The following LYPD6B variants were observed in gnomAD, a reference collection of about 807,000 sequenced individuals.
LYPD6B encodes the protein LY6/PLAUR domain containing 6B.
A neutral mutation model predicts 22.8 loss-of-function variants in LYPD6B; 17 were observed. The observed-to-expected ratio is 0.75, with a 90% confidence interval of 0.51 to 1.12. LYPD6B has a LOEUF of 1.12. Ranked by LOEUF, LYPD6B falls within the 50% of genes most tolerant of loss-of-function variation. LYPD6B has a pLI of 0.00. For missense variants in LYPD6B, 221 were observed against 258.3 expected, an observed-to-expected ratio of 0.86 and a Z score of 0.99; for synonymous variants, 106 against 91.6, an observed-to-expected ratio of 1.16 and a Z score of -0.90.
chr2:149,144,728 T>C (rs1012277956), intron 2 of LYPD6B, among the ~76,000 whole-genome samples: 3 of 152,106 alleles, frequency 2.0e-5, no homozygotes, highest in Non-Finnish European at 4.4e-5. Flanking sequence ...GATCACAGCA[T>C]ACTCATGAGG....
intron 5 of LYPD6B, 44 bp downstream of exon 5, chr2:149,208,456 T>C (rs750812946): frequency 7.1e-7 from 1 of 1,416,430 alleles, no homozygotes; most frequent in Non-Finnish European, 1.0e-6. Context: ...CTCATTTCAT[T>C]TGAATCTCTC....
intron 1 of LYPD6B, among the ~76,000 whole-genome samples, chr2:149,105,139 T>G (rs1276341112): frequency 6.6e-6 from 1 of 152,210 alleles, no homozygotes; most frequent in Non-Finnish European, 1.5e-5. Context: ...CATTGCACAT[T>G]TGTCAAGAAT....
chr2:149,160,360 T>C (rs1317346064), intron 2 of LYPD6B: 9 of 450,566 alleles, frequency 2.0e-5, no homozygotes, highest in Non-Finnish European at 3.6e-5. Context: ...AGAGTCTTCA[T>C]TGTGGATGTG....
intron 3 of LYPD6B, among the ~76,000 whole-genome samples, chr2:149,180,639 C>T (rs1237693046): frequency 6.6e-6 from 1 of 152,234 alleles, no homozygotes; most frequent in Admixed American, 6.5e-5. Context: ...AGGCTCAGCC[C>T]TGGAACAGGC....
At chr2:149,123,796 G>A (rs754793129) in intron 1 of LYPD6B, among the ~76,000 whole-genome samples, 1 of 152,142 alleles carries the variant, frequency 6.6e-6, no homozygotes, top group Non-Finnish European at 1.5e-5. Context: ...GGAGGCAGAG[G>A]TTGCAGTGAG....
intron 1 of LYPD6B, among the ~76,000 whole-genome samples, chr2:149,098,295 C>T (rs1301441896): frequency 6.6e-6 from 1 of 152,090 alleles, no homozygotes; most frequent in Non-Finnish European, 1.5e-5. Flanking sequence ...GCTTTCTCCA[C>T]GTGAGTTATA....
intron 3 of LYPD6B, among the ~76,000 whole-genome samples, chr2:149,172,574 G>T (rs975987927): frequency 2.0e-5 from 3 of 152,012 alleles, no homozygotes; most frequent in African/African-American, 7.2e-5. Flanking sequence ...ATCAGAACTG[G>T]ATGTACTATT....
rs749014429 is a variant in LYPD6B, at chr2:149,160,866, G to A, written c.77+31G>A. ...AATGGCAGCTGTTACAACAGCCCTC[G>A]GCTTTTCATTTGGGAGCTCTGGTTA... On this transcript the variant is annotated intron_variant, in intron 3 of 6. Transcript: ENST00000409642. The A allele has an allele frequency of 2.4e-5, 36 of 1,493,586 alleles. No individual in the cohort carries two copies. The East Asian group carries it at 6.6e-4, about 28-fold the overall frequency. The allele number at this position is 1,493,586 out of a possible 1,614,324, so 92.5% of individuals were successfully genotyped here.
intron 5 of LYPD6B, among the ~76,000 whole-genome samples, chr2:149,210,540 G>A (rs1186642510): frequency 2.6e-5 from 4 of 152,110 alleles, no homozygotes; most frequent in Non-Finnish European, 4.4e-5. Flanking sequence ...CATTTCTCGG[G>A]GCAAATAGGC....
At chr2:149,195,244 G>T (rs1692735716) in intron 3 of LYPD6B, among the ~76,000 whole-genome samples, 1 of 152,230 alleles carries the variant, frequency 6.6e-6, no homozygotes, top group Non-Finnish European at 1.5e-5. Flanking sequence ...AGGAAGGACA[G>T]TCTGTGTCCA....
intron 3 of LYPD6B, among the ~76,000 whole-genome samples, chr2:149,169,033 A>G (rs761522812): frequency 6.6e-6 from 1 of 152,232 alleles, no homozygotes; most frequent in Non-Finnish European, 1.5e-5. Flanking sequence ...ATTTGTAATT[A>G]AACTGTATTT....
intron 3 of LYPD6B, among the ~76,000 whole-genome samples, chr2:149,198,608 T>C (rs1692969396): frequency 6.6e-6 from 1 of 152,232 alleles, no homozygotes; most frequent in Non-Finnish European, 1.5e-5. Context: ...ATTTGCATAA[T>C]GAAATTATTT....
intron 1 of LYPD6B, among the ~76,000 whole-genome samples, chr2:149,042,753 C>G (rs1683142248): frequency 6.6e-6 from 1 of 152,120 alleles, no homozygotes; most frequent in South Asian, 2.1e-4. Flanking sequence ...GACAAGAGTG[C>G]AGTCATTAGA....
At position 149,130,885 on chromosome 2, in the gene LYPD6B, AT is replaced by A; in HGVS notation, c.-63del. ...CCTTTTCATGTTCATTTGTTTAGAT[AT>A]GCCACACTTCTGCCTGCTGTTGGCA... is the stretch of plus-strand genomic sequence containing the variant. On this transcript the variant is annotated 5_prime_UTR_variant, in exon 2 of 7. The change abolishes an upstream ATG in the 5' untranslated region. Coordinates refer to ENST00000409642, the MANE Select transcript of LYPD6B (RefSeq NM_177964.5). 7.9e-7 allele frequency: 1 copy of A among 1,261,622 alleles called. No homozygotes were observed. Among genetic ancestry groups the A allele is most frequent in the South Asian group, 1.2e-5 (1 of 82,380 alleles). 78.2% of individuals were successfully genotyped at this position (1,261,622 alleles called of 1,614,324 possible).
At chr2:149,160,675 T>C (rs1689996639) in intron 2 of LYPD6B, 89 bp from the exon 3 acceptor site, 3 of 911,372 alleles carry the variant, frequency 3.3e-6, no homozygotes, top group Admixed American at 4.1e-5. Context: ...TCCAGAAACC[T>C]GCCTTTTGTT....
intron 2 of LYPD6B, among the ~76,000 whole-genome samples, chr2:149,158,455 C>G (rs1052693847): frequency 6.6e-6 from 1 of 152,012 alleles, no homozygotes; most frequent in Non-Finnish European, 1.5e-5. Flanking sequence ...ATTTATATGA[C>G]GTACCTAGAA....
At chr2:149,179,085 C>T (rs1189758248) in intron 3 of LYPD6B, among the ~76,000 whole-genome samples, 1 of 152,190 alleles carries the variant, frequency 6.6e-6, no homozygotes, top group Non-Finnish European at 1.5e-5. Context: ...TAGCTGCAGG[C>T]AGGAGACGAG....
chr2:149,079,330 T>A lies in LYPD6B; in HGVS notation c.-67+40529T>A, dbSNP rs535775422. Among the ~76,000 whole-genome samples the A allele has an allele frequency of 9.8e-5, 15 of 152,356 alleles. No homozygotes were observed. The East Asian group carries it at 2.7e-3, about 27-fold the overall frequency. On this transcript the variant is annotated intron_variant, in intron 1 of 6. Coordinates refer to ENST00000409642, the MANE Select transcript of LYPD6B (RefSeq NM_177964.5). ...ATACTAAATCGAATCTAGATGTTACTATGTTTAATGTAATTTGGACTTCTG... is the reference window on the plus strand; with the variant it reads ...ATACTAAATCGAATCTAGATGTTACAATGTTTAATGTAATTTGGACTTCTG...
At chr2:149,134,114 C>A (rs568240563) in intron 2 of LYPD6B, among the ~76,000 whole-genome samples, 1 of 151,992 alleles carries the variant, frequency 6.6e-6, no homozygotes, top group Non-Finnish European at 1.5e-5. Context: ...GAGAAGGGGA[C>A]GTACAGCGGA....
Sources: gnomAD v4.1 joint callset for allele counts (sites outside exome capture counted in the v4.1 genomes callset) on GRCh38, gnomAD v4.1.1 for gene constraint, MANE v1.5 for transcripts, NCBI Gene and HGNC (gene_info 2026-07-23, HGNC 2026-07-21) for gene names.